The following KIF5B variants were observed in gnomAD, a reference collection of about 807,000 sequenced individuals.
KIF5B encodes the protein kinesin family member 5B.
KIF5B carries 49 observed loss-of-function variants against 132.8 expected under a neutral mutation model. That is an observed-to-expected ratio of 0.37 (90% CI 0.29 to 0.47). The LOEUF is 0.47. Among genes scored for constraint, KIF5B ranks in the 20% least tolerant of loss-of-function variants. KIF5B has a pLI of 1.00. For synonymous variants in KIF5B, 355 were observed against 369.4 expected (o/e 0.96, Z 0.45); for missense variants, 780 against 1,144.0 (o/e 0.68, Z 4.59).
Position 32,024,051 on chromosome 10 carries a change from TAAAAAAAAAAAACA to T in KIF5B, c.1726-1029_1726-1016del, listed in dbSNP as rs1485435891. 4.7e-4 allele frequency among the ~76,000 whole-genome samples: 30 copies of T among 63,406 alleles called. 1 individual carries two copies. The highest frequency in any genetic ancestry group is 3.5e-3 in the East Asian group (3 of 860). 41.6% of individuals were successfully genotyped at this position (63,406 alleles called of 152,430 possible). ...TAGTCTCAAAAAATGACGTTGAGAG[TAAAAAAAAAAAACA>T]AAAAAAAAAAAACAAGACACAGAGA... On this transcript the variant is annotated intron_variant, in intron 15 of 25. Transcript: ENST00000302418.
At chr10:32,038,239 T>C in intron 5 of KIF5B, 21 bp from the exon 6 acceptor site, 1 of 1,567,828 alleles carries the variant, frequency 6.4e-7, no homozygotes, top group Non-Finnish European at 8.8e-7. Flanking sequence ...AAAACAAATG[T>C]TAGCAACATT....
chr10:32,033,799 C>T (rs757388982), intron 12 of KIF5B, 46 bp downstream of exon 12: 4 of 1,328,504 alleles, frequency 3.0e-6, no homozygotes, highest in South Asian at 1.3e-5. Context: ...ACACCCATGT[C>T]AATAGTATCC....
At chr10:32,017,498 C>T (rs914793619) in intron 23 of KIF5B, 139 bp from the exon 24 acceptor site, 19 of 667,874 alleles carry the variant, frequency 2.8e-5, no homozygotes, top group African/African-American at 1.4e-4. Context: ...GGCAGAAACA[C>T]GCAAGGAATA....
At position 32,022,838 on chromosome 10, in the gene KIF5B, T is replaced by C. The variant is rs140541575; in HGVS notation, c.1914+10A>G. ...TCAAAAAAATGAATAAACTTTGTTC[T>C]ATAACATACTTGAGAGATACGAAGC... is the stretch of plus-strand genomic sequence containing the variant. On this transcript the variant is annotated intron_variant, in intron 16 of 25. Coordinates refer to ENST00000302418, the MANE Select transcript of KIF5B (RefSeq NM_004521.3). The C allele has an allele frequency of 7.9e-5, 124 of 1,561,862 alleles. No homozygotes were observed. In the East Asian group the frequency reaches 2.2e-3, roughly 28 times the overall value.
chr10:32,034,979 A>G, intron 10 of KIF5B, 141 bp from the exon 11 acceptor site: 1 of 538,992 alleles, frequency 1.9e-6, no homozygotes, highest in Non-Finnish European at 2.9e-6. Context: ...GCCGCAACAT[A>G]TGACGTTATT....
intron 2 of KIF5B, among the ~76,000 whole-genome samples, chr10:32,045,278 C>T (rs143854851): frequency 1.6e-4 from 25 of 151,860 alleles, no homozygotes; most frequent in Non-Finnish European, 1.5e-5. Flanking sequence ...AAACTAAGGC[C>T]CTAAAAAGAA....
At chr10:32,016,318 TGGTG>T (rs1434590030) in intron 24 of KIF5B, among the ~76,000 whole-genome samples, 1 of 151,940 alleles carries the variant, frequency 6.6e-6, no homozygotes, top group Non-Finnish European at 1.5e-5. Flanking sequence ...TAGCTGGGCA[TGGTG>T]GCTTGCACCT....
intron 8 of KIF5B, 72 bp from the exon 9 acceptor site, chr10:32,036,066 T>A: frequency 4.2e-6 from 4 of 957,446 alleles, no homozygotes; most frequent in Non-Finnish European, 6.0e-6. Context: ...TCTAAAATGT[T>A]CATATGTCAT....
At chr10:32,020,250 T>C (rs1269344732) in intron 19 of KIF5B, among the ~76,000 whole-genome samples, 4 of 152,164 alleles carry the variant, frequency 2.6e-5, no homozygotes, top group African/African-American at 9.7e-5. Context: ...ACCTCATCAT[T>C]ATTTTGTTAT....
intron 2 of KIF5B, among the ~76,000 whole-genome samples, chr10:32,042,390 C>T: frequency 6.6e-6 from 1 of 152,198 alleles, no homozygotes. Context: ...TCATGTATCA[C>T]ATTTACCTCT....
At chr10:32,018,714 G>A in intron 20 of KIF5B, 152 bp from the exon 21 acceptor site, 1 of 617,546 alleles carries the variant, frequency 1.6e-6, no homozygotes, top group Non-Finnish European at 2.6e-6. Flanking sequence ...TACCTGTGCT[G>A]TCTTTCAAAA....
rs538666774 is a variant in KIF5B, at chr10:32,024,999, C to T, written c.1726-1963G>A. Among the ~76,000 whole-genome samples, 58 of 152,264 alleles carry T rather than the reference C, an allele frequency of 3.8e-4. 1 individual carries two copies. In the Middle Eastern group the frequency reaches 0.01, roughly 27 times the overall value. The stretch of plus-strand genomic sequence containing the variant: ...GGCTGAGGCAGAAGAATCACTTGAA[C>T]CCAGGAGGCGGAGGTTATGGTGGGC... On this transcript the variant is annotated intron_variant, in intron 15 of 25. Transcript: ENST00000302418.
chr10:32,047,571 G>C (rs959469894), intron 2 of KIF5B, among the ~76,000 whole-genome samples: 2 of 151,984 alleles, frequency 1.3e-5, no homozygotes, highest in Non-Finnish European at 2.9e-5. Context: ...TGATGACTTT[G>C]CTCCCTGTAT....
At chr10:32,043,743 T>C (rs1433219227) in intron 2 of KIF5B, among the ~76,000 whole-genome samples, 1 of 150,140 alleles carries the variant, frequency 6.7e-6, no homozygotes, top group Non-Finnish European at 1.5e-5. Flanking sequence ...ATAGGGAATG[T>C]TAATAGCCCT....
At chr10:32,046,054 A>G (rs1196525395) in intron 2 of KIF5B, among the ~76,000 whole-genome samples, 1 of 152,184 alleles carries the variant, frequency 6.6e-6, no homozygotes, top group Non-Finnish European at 1.5e-5. Context: ...CCAACTTACT[A>G]GATCCCCAGT....
At chr10:32,053,100 T>C (rs1357098108) in intron 1 of KIF5B, among the ~76,000 whole-genome samples, 1 of 152,356 alleles carries the variant, frequency 6.6e-6, no homozygotes, top group East Asian at 1.9e-4. Context: ...TTTTTAAAAA[T>C]TTAGTTTTAA....
chr10:32,030,793 C>G (rs747812466), intron 14 of KIF5B, among the ~76,000 whole-genome samples: 27 of 152,106 alleles, frequency 1.8e-4, no homozygotes, highest in Admixed American at 3.3e-4. Context: ...TTAGATTCTA[C>G]ATGCTATATA....
At position 32,021,009 on chromosome 10, in the gene KIF5B, G is replaced by T; in HGVS notation, c.2204+13C>A. 2.1e-6 allele frequency: 3 copies of T among 1,418,874 alleles called. No homozygotes were observed. Among genetic ancestry groups the T allele is most frequent in the Non-Finnish European group, 3.0e-6 (3 of 1,003,368 alleles). 87.9% of individuals were successfully genotyped at this position (1,418,874 alleles called of 1,614,324 possible). The stretch of plus-strand genomic sequence containing the variant: ...CGATTCTTTCCTCCTAACTAGAGAA[G>T]TATAATACTTACTCTTGAAGATCAG... On this transcript the variant is annotated intron_variant, in intron 19 of 25. Transcript: ENST00000302418.
chr10:32,017,459 T>C lies in KIF5B; in HGVS notation c.2545-100A>G, dbSNP rs1841189248. 18 of 860,134 alleles carry C rather than the reference T, an allele frequency of 2.1e-5. No homozygotes were observed. The South Asian group carries it at 2.7e-4, about 13-fold the overall frequency. 53.3% of individuals were successfully genotyped at this position (860,134 alleles called of 1,614,324 possible). A position where few individuals can be genotyped will look rare whatever the true frequency, so the allele number is the denominator to read the frequency against. On this transcript the variant is annotated intron_variant, in intron 23 of 25. Transcript: ENST00000302418. Reference sequence around the variant, plus strand: ...GCTCTTTAGAAAAGTAAAACTGCATTTTATATTGTTTCCCATTTATCTAAT... The same window carrying C: ...GCTCTTTAGAAAAGTAAAACTGCATCTTATATTGTTTCCCATTTATCTAAT...
Sources: allele counts gnomAD v4.1 joint callset (sites outside exome capture counted in the v4.1 genomes callset), GRCh38; gene constraint gnomAD v4.1.1; transcripts MANE v1.5; gene names NCBI Gene and HGNC (gene_info 2026-07-23, HGNC 2026-07-21).